EPHA3: variants seen among roughly 807,000 people sequenced by gnomAD.
The protein encoded by EPHA3 is EPH receptor A3.
A neutral mutation model predicts 107.1 loss-of-function variants in EPHA3; 42 were observed. The observed-to-expected ratio is 0.39, with a 90% CI of 0.31 to 0.51. The LOEUF (loss-of-function observed/expected upper bound fraction) is 0.51. EPHA3 is among the 20% of genes least tolerant of loss of function. EPHA3 has a pLI of 0.78. For missense variants in EPHA3, 1,183 were observed against 1,211.2 expected (o/e 0.98, Z 0.35); for synonymous variants, 461 against 424.8 (o/e 1.09, Z -1.05).
At chr3:89,220,207 T>A (rs192271802) in intron 3 of EPHA3, among the ~76,000 whole-genome samples, 2 of 152,170 alleles carry the variant, frequency 1.3e-5, no homozygotes, top group African/African-American at 4.8e-5. Context: ...TTTACAGATA[T>A]GTCTATTAAG....
At chr3:89,288,342 A>C (rs1173575460) in intron 3 of EPHA3, among the ~76,000 whole-genome samples, 1 of 152,132 alleles carries the variant, frequency 6.6e-6, no homozygotes, top group Non-Finnish European at 1.5e-5. Context: ...AACTGGTAAT[A>C]TGCCTTCCTG....
chr3:89,214,040 A>G (rs1704168898), intron 3 of EPHA3, among the ~76,000 whole-genome samples: 1 of 152,050 alleles, frequency 6.6e-6, no homozygotes, highest in African/African-American at 2.4e-5. Flanking sequence ...ATAGCTATCA[A>G]GCCTCTGATT....
chr3:89,148,290 C>A (rs954115245), intron 2 of EPHA3, among the ~76,000 whole-genome samples: 1 of 151,776 alleles, frequency 6.6e-6, no homozygotes, highest in African/African-American at 2.4e-5. Context: ...TATTCAAGTA[C>A]CTGTTTTTAA....
chr3:89,431,237 T>C lies in EPHA3; in HGVS notation c.2224T>C (p.Tyr742His), dbSNP rs2107537000. The change falls in exon 13 of 17, where the codon TAT becomes CAT. Residue 742 changes from tyrosine to histidine, a missense_variant. By Grantham distance (83) the Tyr-to-His change is moderately conservative. Coordinates refer to ENST00000336596, the MANE Select transcript of EPHA3 (RefSeq NM_005233.6). ...SGMKYLSDMGYVHRDLAARNI... is the reference protein window; with the variant it reads ...SGMKYLSDMGHVHRDLAARNI... ...CATGAAGTACCTGTCAGACATGGGC[T>C]ATGTTCACCGAGACCTCGCTGCTCG... The C allele has an allele frequency of 6.2e-7, 1 of 1,613,930 alleles. No individual in the cohort carries two copies. The highest frequency in any genetic ancestry group is 8.5e-7 in the Non-Finnish European group (1 of 1,179,946).
intron 5 of EPHA3, among the ~76,000 whole-genome samples, chr3:89,351,582 T>C (rs1403144119): frequency 6.6e-6 from 1 of 151,160 alleles, no homozygotes; most frequent in East Asian, 1.9e-4. Context: ...GTCTTCTGCG[T>C]CGCTCACGCT....
chr3:89,344,540 T>A (rs1174070702), intron 5 of EPHA3, among the ~76,000 whole-genome samples: 3 of 152,184 alleles, frequency 2.0e-5, no homozygotes, highest in Non-Finnish European at 2.9e-5. Context: ...TATATAAGCA[T>A]GATTAGAAGC....
At chr3:89,256,180 G>A (rs975610655) in intron 3 of EPHA3, among the ~76,000 whole-genome samples, 1 of 151,944 alleles carries the variant, frequency 6.6e-6, no homozygotes. Context: ...GAACCCAGGA[G>A]GCAGAGGTTG....
chr3:89,258,180 T>C (rs753514484), intron 3 of EPHA3, among the ~76,000 whole-genome samples: 1 of 152,152 alleles, frequency 6.6e-6, no homozygotes, highest in Non-Finnish European at 1.5e-5. Flanking sequence ...ATCCAGATTG[T>C]AGGACATTCA....
At position 89,366,474 on chromosome 3, in the gene EPHA3, C is replaced by T. The variant is rs79851190; in HGVS notation, c.1306+24384C>T. Among the ~76,000 whole-genome samples, 547 of 150,674 alleles carry T rather than the reference C, an allele frequency of 3.6e-3. 5 individuals carry two copies. Among genetic ancestry groups the T allele is most frequent in the African/African-American group, 0.013 (527 of 41,348 alleles). On this transcript the variant is annotated intron_variant, in intron 5 of 16. Coordinates refer to ENST00000336596, the MANE Select transcript of EPHA3 (RefSeq NM_005233.6). The stretch of plus-strand genomic sequence containing the variant: ...TAAGGCAAAAAACAGGTATTCTATG[C>T]GGGTGGTTGTACAAAGTAAGCAATT...
At chr3:89,299,367 T>A (rs933724036) in intron 3 of EPHA3, among the ~76,000 whole-genome samples, 1 of 151,892 alleles carries the variant, frequency 6.6e-6, no homozygotes, top group African/African-American at 2.4e-5. Flanking sequence ...TATGCAAGAA[T>A]GAGAATATGG....
intron 10 of EPHA3, among the ~76,000 whole-genome samples, chr3:89,416,436 CA>C (rs1420929369): frequency 6.6e-6 from 1 of 151,278 alleles, no homozygotes; most frequent in Non-Finnish European, 1.5e-5. Flanking sequence ...TTAACTTTTA[CA>C]ATACAGTTCT....
Position 89,224,303 on chromosome 3 carries a change from A to T in EPHA3, c.814+13783A>T, listed in dbSNP as rs144800115. On this transcript the variant is annotated intron_variant, in intron 3 of 16. Coordinates refer to ENST00000336596, the MANE Select transcript of EPHA3 (RefSeq NM_005233.6). ...GCTGAGTGATCATGCGGTTGACTAAATCTTTAAATATTGAGGTTGCCAGGG... is the reference window on the plus strand; with the variant it reads ...GCTGAGTGATCATGCGGTTGACTAATTCTTTAAATATTGAGGTTGCCAGGG... Among the ~76,000 whole-genome samples the T allele has an allele frequency of 8.6e-3, 1,309 of 152,314 alleles. 16 individuals carry two copies. Among genetic ancestry groups the T allele is most frequent in the African/African-American group, 0.03 (1,247 of 41,574 alleles).
rs1707330497 is a variant in EPHA3, at chr3:89,119,454, T to G, written c.89-7755T>G. Among the ~76,000 whole-genome samples, 5 of 152,252 alleles carry G rather than the reference T, an allele frequency of 3.3e-5. No individual in the cohort carries two copies. In the South Asian group the frequency reaches 1.0e-3, roughly 32 times the overall value. ...GCTCCTAAGATGCAAAGGAAAAGAC[T>G]AGTGTTTTGAAATAAACTGCTAAGA... is the stretch of plus-strand genomic sequence containing the variant. On this transcript the variant is annotated intron_variant, in intron 1 of 16. Transcript: ENST00000336596.
At chr3:89,268,245 A>G (rs540228934) in intron 3 of EPHA3, among the ~76,000 whole-genome samples, 1 of 152,218 alleles carries the variant, frequency 6.6e-6, no homozygotes, top group East Asian at 1.9e-4. Context: ...ATTAAAATTC[A>G]CAAATTCTGA....
intron 13 of EPHA3, among the ~76,000 whole-genome samples, chr3:89,442,846 C>A (rs1559698141): frequency 6.6e-6 from 1 of 152,174 alleles, no homozygotes; most frequent in Non-Finnish European, 1.5e-5. Context: ...CATAATGCAA[C>A]AAATCATAAG....
chr3:89,467,145 A>T (rs934407751), intron 15 of EPHA3, among the ~76,000 whole-genome samples: 1 of 152,194 alleles, frequency 6.6e-6, no homozygotes, highest in Non-Finnish European at 1.5e-5. Flanking sequence ...TCGGCAATCA[A>T]CATTAAAATA....
At chr3:89,160,232 G>A (rs1233093326) in intron 2 of EPHA3, among the ~76,000 whole-genome samples, 2 of 151,954 alleles carry the variant, frequency 1.3e-5, no homozygotes, top group Non-Finnish European at 2.9e-5. Flanking sequence ...CATTTCTTCT[G>A]GGGGTAACAG....
intron 15 of EPHA3, among the ~76,000 whole-genome samples, chr3:89,455,934 A>G (rs1710090024): frequency 6.6e-6 from 1 of 151,906 alleles, no homozygotes; most frequent in Non-Finnish European, 1.5e-5. Flanking sequence ...TTAACTATCC[A>G]TTTTCTCAAT....
intron 7 of EPHA3, among the ~76,000 whole-genome samples, chr3:89,400,636 C>T (rs549097706): frequency 5.5e-4 from 80 of 145,302 alleles, no homozygotes; most frequent in African/African-American, 2.0e-3. Context: ...TGTGTGTGAG[C>T]GTGTGTGTGT....
Sources: gnomAD v4.1 joint callset for allele counts (sites outside exome capture counted in the v4.1 genomes callset) on GRCh38, gnomAD v4.1.1 for gene constraint, MANE v1.5 for transcripts, NCBI Gene and HGNC (gene_info 2026-07-23, HGNC 2026-07-21) for gene names.